Variants in SRRM4 observed in about 807,000 individuals in gnomAD.
SRRM4 encodes serine/arginine repetitive matrix 4.
Under a neutral mutation model 68.9 loss-of-function variants are expected in SRRM4, and 33 were observed. That is an observed-to-expected ratio of 0.48 (90% CI 0.36 to 0.64). The LOEUF is 0.64. Among genes scored for constraint, SRRM4 ranks in the 30% least tolerant of loss-of-function variants. The pLI is 0.00. For synonymous variants in SRRM4, 318 were observed against 318.8 expected, an observed-to-expected ratio of 1.00 and a Z score of 0.03; for missense variants, 817 against 827.1, an observed-to-expected ratio of 0.99 and a Z score of 0.15.
intron 1 of SRRM4, among the ~76,000 whole-genome samples, chr12:119,013,445 A>G (rs1953462063): frequency 6.6e-6 from 1 of 152,234 alleles, no homozygotes; most frequent in African/African-American, 2.4e-5. Flanking sequence ...TACACATGAC[A>G]ATGGTTTATA....
At chr12:119,005,837 C>A (rs907382973) in intron 1 of SRRM4, among the ~76,000 whole-genome samples, 9 of 152,236 alleles carry the variant, frequency 5.9e-5, no homozygotes, top group South Asian at 2.1e-4. Flanking sequence ...ACAGTCCCCA[C>A]ATCCATTGAT....
chr12:119,004,692 A>G (rs1855533824), intron 1 of SRRM4, among the ~76,000 whole-genome samples: 1 of 151,936 alleles, frequency 6.6e-6, no homozygotes, highest in South Asian at 2.1e-4. Context: ...AGCCCGGCTG[A>G]TAGCTAGGAC....
At chr12:119,135,366 C>G (rs1385503547) in intron 8 of SRRM4, among the ~76,000 whole-genome samples, 1 of 152,152 alleles carries the variant, frequency 6.6e-6, no homozygotes, top group East Asian at 1.9e-4. Flanking sequence ...TGCCTCCAGC[C>G]TGGGCCAATA....
At chr12:119,127,736 A>AAAAGAAAAGAAAAG (rs10693050) in intron 7 of SRRM4, among the ~76,000 whole-genome samples, 1 of 143,058 alleles carries the variant, frequency 7.0e-6, no homozygotes, top group African/African-American at 2.6e-5. Context: ...CTCAAAAAAA[A>AAAAGAAAAGAAAAG]AAAAGAAAAG....
intron 4 of SRRM4, among the ~76,000 whole-genome samples, chr12:119,117,946 A>G (rs1320204136): frequency 1.3e-5 from 2 of 152,156 alleles, no homozygotes; most frequent in East Asian, 3.9e-4. Flanking sequence ...CAAAGGATAT[A>G]CAACAGAGGG....
chr12:119,013,808 A>C (rs1028474510), intron 1 of SRRM4, among the ~76,000 whole-genome samples: 1 of 152,134 alleles, frequency 6.6e-6, no homozygotes, highest in African/African-American at 2.4e-5. Flanking sequence ...ATTTTGGTAC[A>C]TTTATTTTGG....
At chr12:119,125,616 TC>T in intron 7 of SRRM4, 137 bp downstream of exon 7, 1 of 703,630 alleles carries the variant, frequency 1.4e-6, no homozygotes, top group Non-Finnish European at 2.3e-6. Flanking sequence ...TGGCACCACT[TC>T]CCTGTAGAGA....
In SRRM4 at chr12:119,114,509, A is replaced by G; in HGVS notation, c.365+145A>G. The G allele has an allele frequency of 1.6e-5, 10 of 624,464 alleles. 1 individual carries two copies. The South Asian group carries it at 1.9e-4, about 12-fold the overall frequency. 38.7% of individuals were successfully genotyped at this position (624,464 alleles called of 1,614,324 possible). On this transcript the variant is annotated intron_variant, in intron 3 of 12. Coordinates refer to ENST00000267260, the MANE Select transcript of SRRM4 (RefSeq NM_194286.4). ...TGTGTGACCTTGGGCAAGTCACTTT[A>G]CATCTCTGTTCCTGTTTTTATTATA...
At chr12:119,027,377 A>T (rs1414085016) in intron 1 of SRRM4, among the ~76,000 whole-genome samples, 1 of 152,222 alleles carries the variant, frequency 6.6e-6, no homozygotes. Flanking sequence ...CAGCGGAGGG[A>T]CAAAATCCTA....
At chr12:119,038,631 A>T (rs892094145) in intron 1 of SRRM4, among the ~76,000 whole-genome samples, 2 of 152,182 alleles carry the variant, frequency 1.3e-5, no homozygotes, top group South Asian at 2.1e-4. Context: ...AGTTTGCTTC[A>T]TCATTTCTGT....
intron 1 of SRRM4, among the ~76,000 whole-genome samples, chr12:119,088,430 C>G (rs895693403): frequency 1.3e-5 from 2 of 152,128 alleles, no homozygotes; most frequent in Non-Finnish European, 2.9e-5. Context: ...ATTGAAGTTA[C>G]TGAGCCTCCT....
chr12:119,071,312 A>G (rs554534394), intron 1 of SRRM4, among the ~76,000 whole-genome samples: 1 of 152,170 alleles, frequency 6.6e-6, no homozygotes, highest in Non-Finnish European at 1.5e-5. Flanking sequence ...TTCGTGTAAG[A>G]CACAGATGTG....
At chr12:119,098,697 C>T (rs987315641) in intron 1 of SRRM4, among the ~76,000 whole-genome samples, 1 of 152,212 alleles carries the variant, frequency 6.6e-6, no homozygotes, top group African/African-American at 2.4e-5. Context: ...TTGCTCCCTA[C>T]TCTACCTTCT....
chr12:119,091,029 C>T (rs138193083), intron 1 of SRRM4, among the ~76,000 whole-genome samples: 1 of 152,194 alleles, frequency 6.6e-6, no homozygotes, highest in African/African-American at 2.4e-5. Context: ...AGATTTGTGG[C>T]TTGTCTGGTC....
At position 118,984,193 on chromosome 12, in the gene SRRM4, T is replaced by A. The variant is rs886698683; in HGVS notation, c.131+2180T>A. Among the ~76,000 whole-genome samples the A allele has an allele frequency of 2.5e-4, 38 of 152,200 alleles. 1 individual carries two copies. Among genetic ancestry groups the A allele is most frequent in the Admixed American group, 2.6e-4 (4 of 15,282 alleles). ...GTCTTTTAACAGACTGGATAAAACCTGAATCATCCCCATTCTCACCCAAGC... is the reference window on the plus strand; with the variant it reads ...GTCTTTTAACAGACTGGATAAAACCAGAATCATCCCCATTCTCACCCAAGC... On this transcript the variant is annotated intron_variant, in intron 1 of 12. Coordinates refer to ENST00000267260, the MANE Select transcript of SRRM4 (RefSeq NM_194286.4).
rs1379342234 is a variant in SRRM4 at position 119,055,062 on chromosome 12, A to C, written c.132-47174A>C. ...CCTCTGCTTGCATCAGATAGACTGAAAGTAGAGAAGGGGCTTGTCCCTCAG... is the reference window on the plus strand; with the variant it reads ...CCTCTGCTTGCATCAGATAGACTGACAGTAGAGAAGGGGCTTGTCCCTCAG... On this transcript the variant is annotated intron_variant, in intron 1 of 12. Transcript: ENST00000267260. 2.6e-5 allele frequency among the ~76,000 whole-genome samples: 4 copies of C among 152,252 alleles called. No individual in the cohort carries two copies. In the East Asian group the frequency reaches 7.7e-4, roughly 29 times the overall value.
At chr12:118,982,695 T>TTC (rs1565882821) in intron 1 of SRRM4, among the ~76,000 whole-genome samples, 2 of 114,200 alleles carry the variant, frequency 1.8e-5, no homozygotes, top group African/African-American at 3.2e-5. Context: ...TTTTTTTTTT[T>TTC]CCAAAAAGAA....
At chr12:119,025,608 C>T (rs1296290443) in intron 1 of SRRM4, among the ~76,000 whole-genome samples, 2 of 151,940 alleles carry the variant, frequency 1.3e-5, no homozygotes, top group Non-Finnish European at 2.9e-5. Flanking sequence ...CCATGACCAG[C>T]TAATTTTGTA....
At chr12:119,148,561 A>ATC (rs1252250077) in intron 9 of SRRM4, among the ~76,000 whole-genome samples, 3 of 152,206 alleles carry the variant, frequency 2.0e-5, no homozygotes, top group African/African-American at 4.8e-5. Flanking sequence ...TCCAGAAATA[A>ATC]TCTTCCCGAG....
Sources: allele counts gnomAD v4.1 joint callset (sites outside exome capture counted in the v4.1 genomes callset), GRCh38; gene constraint gnomAD v4.1.1; transcripts MANE v1.5; gene names NCBI Gene and HGNC (gene_info 2026-07-23, HGNC 2026-07-21).